EEIG1: variants seen among roughly 807,000 people sequenced by gnomAD.
EEIG1 encodes the protein early estrogen-induced gene 1 protein.
the EEIG1 span, chr9:127,948,514 G>A: frequency 7.1e-6 from 8 of 1,133,876 alleles, no homozygotes; most frequent in Admixed American, 3.6e-5. Flanking sequence ...GAAGGGCTTG[G>A]ATTCCAATCC....
the EEIG1 span, among the ~76,000 whole-genome samples, chr9:127,961,433 G>A: frequency 1.2e-4 from 18 of 152,328 alleles, no homozygotes; most frequent in South Asian, 3.7e-3. Flanking sequence ...GTTGGGAGCT[G>A]GCCAGGTCAG....
chr9:127,964,986 G>A, the EEIG1 span, among the ~76,000 whole-genome samples: 1 of 151,934 alleles, frequency 6.6e-6, no homozygotes, highest in Admixed American at 6.6e-5. Flanking sequence ...GCGGGCACCT[G>A]TAATCCCAGC....
At chr9:127,960,309 A>G in the EEIG1 span, among the ~76,000 whole-genome samples, 1 of 152,164 alleles carries the variant, frequency 6.6e-6, no homozygotes, top group African/African-American at 2.4e-5. Context: ...CAGTGGCTGA[A>G]GAGGAGCTGG....
chr9:127,948,328 T>G, the EEIG1 span: 7 of 1,613,208 alleles, frequency 4.3e-6, no homozygotes, highest in African/African-American at 5.3e-5. Context: ...TGCCCGGGAC[T>G]GGGCTCCCAT....
the EEIG1 span, among the ~76,000 whole-genome samples, chr9:127,966,662 G>A: frequency 1.3e-5 from 2 of 152,204 alleles, no homozygotes; most frequent in Non-Finnish European, 2.9e-5. Context: ...CCATTGAAGG[G>A]ACCCAAAGTA....
the EEIG1 span, among the ~76,000 whole-genome samples, chr9:127,950,993 T>C: frequency 6.6e-6 from 1 of 152,154 alleles, no homozygotes; most frequent in East Asian, 1.9e-4. Flanking sequence ...CACTGCAGGA[T>C]GAGCAGGAGC....
chr9:127,953,870 T>TA, the EEIG1 span: 1 of 1,614,032 alleles, frequency 6.2e-7, no homozygotes, highest in African/African-American at 1.3e-5. Context: ...GCACTCATCT[T>TA]ACACACGAAG....
At chr9:127,971,189 C>T in the EEIG1 span, among the ~76,000 whole-genome samples, 1 of 152,224 alleles carries the variant, frequency 6.6e-6, no homozygotes, top group African/African-American at 2.4e-5. Context: ...TTTTTAGTTG[C>T]CAGGTGCCTG....
the EEIG1 span, chr9:127,941,482 G>A: frequency 1.3e-5 from 2 of 152,602 alleles, no homozygotes; most frequent in East Asian, 3.9e-4. Flanking sequence ...GACTCTCAGG[G>A]CTGAGCAGAG....
the EEIG1 span, among the ~76,000 whole-genome samples, chr9:127,980,765 G>A: frequency 6.7e-6 from 1 of 149,778 alleles, no homozygotes; most frequent in Non-Finnish European, 1.5e-5. Context: ...GGAACGTCCG[G>A]CCTCGGGCCT....
the EEIG1 span, among the ~76,000 whole-genome samples, chr9:127,962,866 TAAAAAAG>T: frequency 6.6e-6 from 1 of 151,756 alleles, no homozygotes; most frequent in African/African-American, 2.4e-5. Flanking sequence ...CCACCTTGAT[TAAAAAAG>T]AAAAAAGAAA....
chr9:127,945,986 G>A, the EEIG1 span, among the ~76,000 whole-genome samples: 3 of 152,248 alleles, frequency 2.0e-5, no homozygotes, highest in African/African-American at 2.4e-5. This position sits in a 1 kb window ranked among gnomAD's most constrained non-coding sequence, Gnocchi z 6.5. Flanking sequence ...ACAGGTCAGC[G>A]AGGAAGAAGA....
the EEIG1 span, among the ~76,000 whole-genome samples, chr9:127,953,011 C>T: frequency 2.8e-3 from 422 of 152,264 alleles, 1 homozygote; most frequent in African/African-American, 9.8e-3. Flanking sequence ...GCCACCATGC[C>T]CAGCCGTACT....
At chr9:127,980,340 C>T in the EEIG1 span, 1 of 531,768 alleles carries the variant, frequency 1.9e-6, no homozygotes, top group Non-Finnish European at 3.3e-6. Context: ...GCTTCACCCT[C>T]GGGGAGCCGG....
the EEIG1 span, among the ~76,000 whole-genome samples, chr9:127,965,746 CT>C: frequency 1.3e-5 from 2 of 152,262 alleles, no homozygotes; most frequent in South Asian, 4.1e-4. Context: ...CAACATCTGC[CT>C]TGTGCTTCCC....
At chr9:127,943,565 C>T in the EEIG1 span, 1 of 349,088 alleles carries the variant, frequency 2.9e-6, no homozygotes, top group South Asian at 3.3e-5. Flanking sequence ...GTGAGGGTGA[C>T]CAAGAGGGCA....
chr9:127,953,531 ACCC>A, the EEIG1 span: 5 of 1,592,738 alleles, frequency 3.1e-6, no homozygotes, highest in Non-Finnish European at 4.3e-6. Context: ...GTCCCATGCC[ACCC>A]CCCATTCCAT....
the EEIG1 span, chr9:127,953,900 GCA>G: frequency 6.2e-7 from 1 of 1,613,876 alleles, no homozygotes; most frequent in Non-Finnish European, 8.5e-7. Context: ...TTTCGCCACC[GCA>G]CACAGTTCTC....
chr9:127,957,501 C>T, the EEIG1 span, among the ~76,000 whole-genome samples: 66 of 152,260 alleles, frequency 4.3e-4, no homozygotes, highest in African/African-American at 1.5e-3. Context: ...GTTCATGGAT[C>T]GGAAGACATG....
Sources: gnomAD v4.1 joint callset for allele counts (sites outside exome capture counted in the v4.1 genomes callset) on GRCh38, gnomAD v4.1.1 for gene constraint, Gnocchi (gnomAD v3.1) non-coding constraint, MANE v1.5 for transcripts, NCBI Gene and HGNC (gene_info 2026-07-23, HGNC 2026-07-21) for gene names.